CADM1: variants seen among roughly 807,000 people sequenced by gnomAD.
CADM1 encodes the protein TSLC-1.
Under a neutral mutation model 53.1 loss-of-function variants are expected in CADM1, and 15 were observed. That is an observed-to-expected ratio of 0.28 (90% CI 0.19 to 0.44). The LOEUF is 0.44. Among genes scored for constraint, CADM1 ranks in the 20% least tolerant of loss-of-function variants. The probability of loss-of-function intolerance (pLI) is 1.00; values close to 1 mark genes in which losing one functional copy is unlikely to be tolerated. For missense variants in CADM1, 434 were observed against 611.3 expected (o/e 0.71, Z 3.06); for synonymous variants, 281 against 243.0 (o/e 1.16, Z -1.45).
At chr11:115,441,235 C>T (rs916950847) in intron 1 of CADM1, among the ~76,000 whole-genome samples, 23 of 152,040 alleles carry the variant, frequency 1.5e-4, no homozygotes, top group Non-Finnish European at 7.4e-5. Context: ...AGGGCTTCTC[C>T]CATTCCATGA....
chr11:115,453,167 AG>A (rs1192158533), intron 1 of CADM1, among the ~76,000 whole-genome samples: 3 of 152,100 alleles, frequency 2.0e-5, no homozygotes, highest in African/African-American at 7.2e-5. Flanking sequence ...GCTTGAGCCC[AG>A]GGGTATGAGA....
At chr11:115,344,860 T>C (rs549564930) in intron 1 of CADM1, among the ~76,000 whole-genome samples, 40 of 152,162 alleles carry the variant, frequency 2.6e-4, no homozygotes, top group Non-Finnish European at 5.3e-4. Context: ...TGTTTCCCCA[T>C]TACGTGTCTA....
chr11:115,504,402 A>G lies in CADM1; in HGVS notation c.-8T>C. ...CAGCACTACACTCGCCATGTCGGGC[A>G]CCTGCCTCAGACTGGCGGCGTTGGC... On this transcript the variant is annotated 5_prime_UTR_variant, in exon 1 of 12. Transcript: ENST00000331581. The G allele has an allele frequency of 2.6e-6, 4 of 1,544,590 alleles. No homozygotes were observed. The highest frequency in any genetic ancestry group is 1.7e-6 in the Non-Finnish European group (2 of 1,145,982).
chr11:115,229,430 A>G (rs1185959717), intron 4 of CADM1, among the ~76,000 whole-genome samples, 159 bp from the exon 5 acceptor site: 1 of 152,218 alleles, frequency 6.6e-6, no homozygotes, highest in Non-Finnish European at 1.5e-5. Context: ...GTTACCTGAT[A>G]AAGTTTTTAT....
At chr11:115,479,355 C>T (rs535838932) in intron 1 of CADM1, among the ~76,000 whole-genome samples, 1 of 152,212 alleles carries the variant, frequency 6.6e-6, no homozygotes, top group South Asian at 2.1e-4. Flanking sequence ...TTAAATCCCA[C>T]TTTAGACTTG....
chr11:115,439,736 G>C (rs1313156177), intron 1 of CADM1, among the ~76,000 whole-genome samples: 2 of 152,192 alleles, frequency 1.3e-5, no homozygotes. Flanking sequence ...TTTTGAGAGA[G>C]AGAATCCATA....
chr11:115,203,514 T>C (rs12226198), intron 8 of CADM1, among the ~76,000 whole-genome samples: 9,990 of 152,224 alleles, frequency 0.066, 373 homozygotes, highest in Admixed American at 0.11. Context: ...AAGTCTTTTA[T>C]TTTTCACTAC....
chr11:115,199,685 T>G (rs1382240095), intron 8 of CADM1, among the ~76,000 whole-genome samples: 1 of 152,246 alleles, frequency 6.6e-6, no homozygotes, highest in African/African-American at 2.4e-5. Context: ...TTTTGAGTTC[T>G]AAACTTCCCA....
chr11:115,418,257 T>C (rs1358270035), intron 1 of CADM1, among the ~76,000 whole-genome samples: 1 of 152,154 alleles, frequency 6.6e-6, no homozygotes, highest in Non-Finnish European at 1.5e-5. Flanking sequence ...TCTTTAATAG[T>C]ATAGCCCGAG....
chr11:115,389,451 T>C (rs569047599), intron 1 of CADM1, among the ~76,000 whole-genome samples: 1 of 152,338 alleles, frequency 6.6e-6, no homozygotes, highest in African/African-American at 2.4e-5. Context: ...GTCAAAGCAT[T>C]GTTTATAAAA....
At chr11:115,378,033 C>T (rs942938229) in intron 1 of CADM1, 7 of 152,072 alleles carry the variant, frequency 4.6e-5, no homozygotes, top group African/African-American at 1.4e-4. Flanking sequence ...GCAACACAAC[C>T]GAAAAATCAA....
intron 6 of CADM1, 83 bp from the exon 7 acceptor site, chr11:115,214,863 A>C: frequency 8.0e-7 from 1 of 1,247,994 alleles, no homozygotes; most frequent in Non-Finnish European, 1.2e-6. Context: ...GGGTGACACA[A>C]TTAATGAGGA....
intron 1 of CADM1, among the ~76,000 whole-genome samples, chr11:115,294,359 T>A (rs143711538): frequency 6.0e-4 from 92 of 152,280 alleles, no homozygotes; most frequent in Non-Finnish European, 1.2e-3. Flanking sequence ...CTTCAGCTCT[T>A]ACCATTTTAA....
chr11:115,314,822 T>C (rs1457893129), intron 1 of CADM1, among the ~76,000 whole-genome samples: 2 of 152,200 alleles, frequency 1.3e-5, no homozygotes, highest in Non-Finnish European at 2.9e-5. Context: ...TTTTGTTTCA[T>C]AGGCAAAATG....
intron 1 of CADM1, among the ~76,000 whole-genome samples, chr11:115,325,022 C>A (rs1944923829): frequency 6.6e-6 from 1 of 152,192 alleles, no homozygotes; most frequent in East Asian, 1.9e-4. Flanking sequence ...CAGAGCTCAA[C>A]CGTGCCTATC....
At chr11:115,290,820 C>T (rs184072667) in intron 1 of CADM1, among the ~76,000 whole-genome samples, 1 of 152,302 alleles carries the variant, frequency 6.6e-6, no homozygotes, top group African/African-American at 2.4e-5. Context: ...AATCCAAAGG[C>T]TTGTTTAGAG....
chr11:115,172,335 C>T lies in CADM1; in HGVS notation c.*4139G>A, dbSNP rs12225960. 0.48 allele frequency: 73,035 copies of T among 152,008 alleles called. 18,168 individuals are homozygous for T. Among genetic ancestry groups the T allele is most frequent in the Non-Finnish European group, 0.54 (37,048 of 67,984 alleles). 9.4% of individuals were successfully genotyped at this position (152,008 alleles called of 1,614,324 possible). A position where few individuals can be genotyped will look rare whatever the true frequency, so the allele number is the denominator to read the frequency against. The stretch of plus-strand genomic sequence containing the variant: ...TATCGAGTCCTCTGCCCGGACTTTT[C>T]AGTACAGCCACAAGACCCATCCCAC... On this transcript the variant is annotated 3_prime_UTR_variant, in exon 12 of 12. Coordinates refer to ENST00000331581, the MANE Select transcript of CADM1 (RefSeq NM_001301043.2).
chr11:115,377,870 C>G (rs1030724431), intron 1 of CADM1: 2 of 152,156 alleles, frequency 1.3e-5, no homozygotes, highest in Non-Finnish European at 2.9e-5. Context: ...GAGAAAAAAA[C>G]TTCTCAAAAT....
At chr11:115,379,947 G>C (rs1946532484) in intron 1 of CADM1, among the ~76,000 whole-genome samples, 1 of 152,050 alleles carries the variant, frequency 6.6e-6, no homozygotes, top group South Asian at 2.1e-4. Context: ...TCCCCCTACA[G>C]TATAGACTAT....
Sources: allele counts gnomAD v4.1 joint callset (sites outside exome capture counted in the v4.1 genomes callset), GRCh38; gene constraint gnomAD v4.1.1; transcripts MANE v1.5; gene names NCBI Gene and HGNC (gene_info 2026-07-23, HGNC 2026-07-21).